Variants in TEX11 observed in about 807,000 individuals in gnomAD.
TEX11 encodes testis-expressed protein 11.
In TEX11, 7 loss-of-function variants were observed where a neutral mutation model predicts 84.4. The ratio of observed to expected loss-of-function variants is 0.08; its 90% CI spans 0.05 to 0.16. The LOEUF (loss-of-function observed/expected upper bound fraction) is 0.16, where lower values mean the gene tolerates loss of function less well. Ranked by LOEUF, TEX11 falls within the 10% of genes least tolerant of loss-of-function variation. The pLI, the probability that TEX11 is intolerant of heterozygous loss-of-function variation, is 1.00. For synonymous variants in TEX11, 264 were observed against 222.8 expected (o/e 1.18, Z -1.64); for missense variants, 551 against 660.5 (o/e 0.83, Z 1.82).
At position 70,823,018 on chromosome X, in the gene TEX11, TG is replaced by T. The variant is rs1221160692; in HGVS notation, c.606+10494del. On this transcript the variant is annotated intron_variant, in intron 8 of 29. Coordinates refer to ENST00000374333, the MANE Select transcript of TEX11 (RefSeq NM_031276.3). The stretch of plus-strand genomic sequence containing the variant: ...ATGAAATTTCAACATGAGATTTGGT[TG>T]GGGGGTGGGGGGCGGGTGGCGTCAA... Among the ~76,000 whole-genome samples, 21 of 104,167 alleles carry T rather than the reference TG, an allele frequency of 2.0e-4. No homozygotes were observed. In the Admixed American group the frequency reaches 2.2e-3, roughly 11 times the overall value. 90.5% of individuals were successfully genotyped at this position (104,167 alleles called of 115,157 possible).
At chrX:70,580,512 A>G (rs951572106) in intron 25 of TEX11, among the ~76,000 whole-genome samples, 1 of 112,388 alleles carries the variant, frequency 8.9e-6, no homozygotes, top group Non-Finnish European at 1.9e-5. Flanking sequence ...CCCTAATGTG[A>G]TTATCACGCA....
At chrX:70,747,219 G>A (rs73542996) in intron 9 of TEX11, among the ~76,000 whole-genome samples, 2,107 of 111,860 alleles carry the variant, frequency 0.019, 49 homozygotes, top group African/African-American at 0.065. Context: ...TCCAGGAAAG[G>A]ATGAAAAAAT....
intron 24 of TEX11, 72 bp from the exon 25 acceptor site, chrX:70,591,895 A>G: frequency 1.5e-6 from 1 of 671,273 alleles, no homozygotes; most frequent in Non-Finnish European, 2.2e-6. Flanking sequence ...ATATAATCTC[A>G]TATCATTTTC....
At chrX:70,838,653 AG>A (rs1489860855) in intron 7 of TEX11, among the ~76,000 whole-genome samples, 1 of 112,274 alleles carries the variant, frequency 8.9e-6, no homozygotes, top group Non-Finnish European at 1.9e-5. Flanking sequence ...CAGTGGGTGC[AG>A]CAAACTGTGC....
chrX:70,727,182 T>C (rs2090606208), intron 11 of TEX11, among the ~76,000 whole-genome samples: 1 of 111,278 alleles, frequency 9.0e-6, no homozygotes, highest in South Asian at 3.8e-4. Context: ...TGAATTCAGA[T>C]CTCTCTGACT....
At chrX:70,826,299 G>A (rs1354209455) in intron 8 of TEX11, among the ~76,000 whole-genome samples, 4 of 96,119 alleles carry the variant, frequency 4.2e-5, no homozygotes, top group Non-Finnish European at 6.2e-5. Flanking sequence ...CAACAAGAGC[G>A]AAACTCCTTG....
intron 16 of TEX11, among the ~76,000 whole-genome samples, chrX:70,654,446 C>T (rs1285945677): frequency 9.0e-6 from 1 of 110,811 alleles, no homozygotes; most frequent in Non-Finnish European, 1.9e-5. Flanking sequence ...CACGGTGGCT[C>T]ATGCCTGTAA....
chrX:70,555,363 C>A (rs1323380017), intron 25 of TEX11, among the ~76,000 whole-genome samples: 1 of 112,259 alleles, frequency 8.9e-6, no homozygotes, highest in Admixed American at 9.5e-5. Context: ...ATTCATCCTT[C>A]TTGGTAGATT....
downstream of TEX11, among the ~76,000 whole-genome samples, chrX:70,527,308 C>T (rs1352601117): frequency 8.9e-6 from 1 of 112,198 alleles, no homozygotes; most frequent in African/African-American, 3.2e-5. Flanking sequence ...ACCTGGCAGA[C>T]ATCTTCTTAA....
At chrX:70,840,236 C>T (rs1453994280) in intron 7 of TEX11, among the ~76,000 whole-genome samples, 11 of 111,585 alleles carry the variant, frequency 9.9e-5, no homozygotes, top group East Asian at 2.8e-4. Flanking sequence ...AGAGAAAGGT[C>T]GGGTTACCCA....
intron 9 of TEX11, among the ~76,000 whole-genome samples, chrX:70,750,931 A>T (rs867241450): frequency 9.7e-3 from 211 of 21,746 alleles, no homozygotes; most frequent in African/African-American, 0.03. Context: ...TAAAAAAAAA[A>T]AAATATATAT....
intron 9 of TEX11, among the ~76,000 whole-genome samples, chrX:70,771,356 A>G (rs1465841071): frequency 1.8e-5 from 2 of 112,256 alleles, no homozygotes; most frequent in African/African-American, 3.2e-5. Flanking sequence ...TTTTTTACAG[A>G]ACATCTTCAG....
intron 13 of TEX11, among the ~76,000 whole-genome samples, chrX:70,706,118 C>T (rs1009599737): frequency 2.7e-5 from 3 of 111,471 alleles, no homozygotes; most frequent in African/African-American, 9.8e-5. Context: ...CCATGGAATA[C>T]TATGCAGCCA....
intron 9 of TEX11, among the ~76,000 whole-genome samples, chrX:70,800,754 G>A (rs2091182928): frequency 1.0e-5 from 1 of 98,205 alleles, no homozygotes; most frequent in African/African-American, 3.7e-5. Flanking sequence ...CTGCAGTGGT[G>A]TGATGATGAC....
chrX:70,710,064 G>A (rs2090412907), intron 13 of TEX11, among the ~76,000 whole-genome samples: 1 of 110,372 alleles, frequency 9.1e-6, no homozygotes. Context: ...TTGTTTATTT[G>A]ATTTAGTATT....
rs1473687915 is a variant in TEX11, at chrX:70,833,278, AAAAAAGAAAAG to A, written c.606+224_606+234del. Among the ~76,000 whole-genome samples, 11 of 95,171 alleles carry A rather than the reference AAAAAAGAAAAG, an allele frequency of 1.2e-4. No individual in the cohort carries two copies. The South Asian group carries it at 1.6e-3, about 14-fold the overall frequency. 82.6% of individuals were successfully genotyped at this position (95,171 alleles called of 115,157 possible). On this transcript the variant is annotated intron_variant, in intron 8 of 29. Coordinates refer to ENST00000374333, the MANE Select transcript of TEX11 (RefSeq NM_031276.3). ...GAGTGAGACTCCATCTCAGAAAAAA[AAAAAAGAAAAG>A]AAAAGAAAAGAAAAGAAAAGAAAAA...
intron 25 of TEX11, among the ~76,000 whole-genome samples, chrX:70,564,143 C>T (rs1053857435): frequency 1.8e-5 from 2 of 111,838 alleles, no homozygotes; most frequent in Non-Finnish European, 3.8e-5. Flanking sequence ...GCTGGAGAAT[C>T]GCTGGAACCT....
In TEX11 at chrX:70,750,933, AATATATATATATAT is replaced by A. The variant is rs1169707708; in HGVS notation, c.693-6728_693-6715del. Among the ~76,000 whole-genome samples the A allele has an allele frequency of 2.1e-4, 6 of 28,187 alleles. 1 individual carries two copies. The highest frequency in any genetic ancestry group is 7.5e-4 in the Admixed American group (2 of 2,669). The allele number at this position is 28,187 out of a possible 115,157, so 24.5% of individuals were successfully genotyped here. On this transcript the variant is annotated intron_variant, in intron 9 of 29. Transcript: ENST00000374333. ...ACTTAAAGTATAATAAAAAAAAAAA[AATATATATATATAT>A]ATATATATATATATATATAAAAGTC...
chrX:70,812,874 A>C, intron 8 of TEX11, among the ~76,000 whole-genome samples: 1 of 111,527 alleles, frequency 9.0e-6, no homozygotes, highest in South Asian at 3.8e-4. Flanking sequence ...CTCAACATAT[A>C]CACTCTCCCA....
Sources: gnomAD v4.1 joint callset for allele counts (sites outside exome capture counted in the v4.1 genomes callset) on GRCh38, gnomAD v4.1.1 for gene constraint, MANE v1.5 for transcripts, NCBI Gene and HGNC (gene_info 2026-07-23, HGNC 2026-07-21) for gene names.